SYT17: variants seen among roughly 807,000 people sequenced by gnomAD.
The protein encoded by SYT17 is synaptotagmin 17.
SYT17 carries 22 observed loss-of-function variants against 46.7 expected under a neutral mutation model. The ratio of observed to expected loss-of-function variants is 0.47; its 90% confidence interval spans 0.34 to 0.67. The LOEUF is 0.67. Ranked by LOEUF, SYT17 falls within the 30% of genes least tolerant of loss-of-function variation. The pLI is 0.01. For missense variants in SYT17, 519 were observed against 612.8 expected, an observed-to-expected ratio of 0.85 and a Z score of 1.62; for synonymous variants, 251 against 248.4, an observed-to-expected ratio of 1.01 and a Z score of -0.10.
At chr16:19,214,943 A>C (rs994125526) in intron 5 of SYT17, among the ~76,000 whole-genome samples, 1 of 151,998 alleles carries the variant, frequency 6.6e-6, no homozygotes, top group African/African-American at 2.4e-5. Context: ...CGCCCACCCC[A>C]CACACAGCTA....
intron 7 of SYT17, among the ~76,000 whole-genome samples, chr16:19,260,274 G>A (rs903800393): frequency 7.3e-6 from 1 of 137,852 alleles, no homozygotes; most frequent in Non-Finnish European, 1.5e-5. Flanking sequence ...AAGATCACTT[G>A]AGCTCAGGAG....
intron 7 of SYT17, among the ~76,000 whole-genome samples, chr16:19,225,202 T>C (rs1966459163): frequency 1.3e-5 from 2 of 152,186 alleles, no homozygotes; most frequent in Non-Finnish European, 2.9e-5. Context: ...TGCAATATAC[T>C]TGGTACATAA....
At chr16:19,169,395 G>A (rs1210306518) in intron 1 of SYT17, among the ~76,000 whole-genome samples, 1 of 152,218 alleles carries the variant, frequency 6.6e-6, no homozygotes, top group Non-Finnish European at 1.5e-5. Context: ...GGAAGTGACC[G>A]CAGGTCAGCG....
chr16:19,198,400 G>A (rs1280507934), intron 5 of SYT17, among the ~76,000 whole-genome samples: 1 of 152,138 alleles, frequency 6.6e-6, no homozygotes, highest in Non-Finnish European at 1.5e-5. Context: ...TAATTTTCAG[G>A]TCAGAGCCAG....
intron 7 of SYT17, among the ~76,000 whole-genome samples, chr16:19,229,542 C>T (rs1966608896): frequency 6.6e-6 from 1 of 152,180 alleles, no homozygotes; most frequent in African/African-American, 2.4e-5. Flanking sequence ...TCACCTCCCA[C>T]CAGGCCCCAC....
At chr16:19,169,164 G>A (rs1390033507) in intron 1 of SYT17, among the ~76,000 whole-genome samples, 1 of 152,124 alleles carries the variant, frequency 6.6e-6, no homozygotes, top group Non-Finnish European at 1.5e-5. Context: ...GGGACACCCA[G>A]AGGCCAGAGG....
chr16:19,239,288 A>C (rs1966915666), intron 7 of SYT17, among the ~76,000 whole-genome samples: 2 of 147,986 alleles, frequency 1.4e-5, no homozygotes, highest in African/African-American at 5.2e-5. Flanking sequence ...AAATTAATTA[A>C]TTAATTAATT....
chr16:19,172,418 C>G, intron 1 of SYT17: 1 of 1,431,130 alleles, frequency 7.0e-7, no homozygotes, highest in Middle Eastern at 1.9e-4. Flanking sequence ...GTTTGCTCTT[C>G]TCCTGAAGTG....
At chr16:19,189,333 C>T (rs1255833158) in intron 5 of SYT17, among the ~76,000 whole-genome samples, 1 of 147,860 alleles carries the variant, frequency 6.8e-6, no homozygotes, top group African/African-American at 2.6e-5. Flanking sequence ...AGGACCTCAA[C>T]CTGTCTTTTT....
At chr16:19,176,911 C>G (rs1242835320) in intron 3 of SYT17, among the ~76,000 whole-genome samples, 1 of 152,128 alleles carries the variant, frequency 6.6e-6, no homozygotes, top group Non-Finnish European at 1.5e-5. Flanking sequence ...CTAGGAAGAG[C>G]TGGGGGAGCC....
intron 3 of SYT17, among the ~76,000 whole-genome samples, chr16:19,178,167 C>T (rs1257670416): frequency 6.6e-6 from 1 of 151,930 alleles, no homozygotes; most frequent in Non-Finnish European, 1.5e-5. Flanking sequence ...ACTGCAAGCT[C>T]TGCCTCCCGG....
At chr16:19,250,154 G>A in intron 7 of SYT17, 1 of 1,383,360 alleles carries the variant, frequency 7.2e-7, no homozygotes. Flanking sequence ...TTAACATATT[G>A]AAAGAATTGT....
rs368564435 is a variant in SYT17, at chr16:19,231,341, C to T, written c.1228+6503C>T. Among the ~76,000 whole-genome samples, 16 of 151,982 alleles carry T rather than the reference C, an allele frequency of 1.1e-4. No homozygotes were observed. The East Asian group carries it at 1.7e-3, about 17-fold the overall frequency. Reference sequence around the variant, plus strand: ...ATTCCAACACTGTGGGAGGCCAAGGCGGGTGGATCACCTGAGGTCAGGAGT... The same window carrying T: ...ATTCCAACACTGTGGGAGGCCAAGGTGGGTGGATCACCTGAGGTCAGGAGT... On this transcript the variant is annotated intron_variant, in intron 7 of 7. Transcript: ENST00000355377.
At chr16:19,201,598 T>G (rs1965466817) in intron 5 of SYT17, among the ~76,000 whole-genome samples, 1 of 151,190 alleles carries the variant, frequency 6.6e-6, no homozygotes, top group African/African-American at 2.4e-5. Flanking sequence ...AAGGTGCCAT[T>G]TTCAATAATA....
At chr16:19,193,450 A>G (rs1445725738) in intron 5 of SYT17, among the ~76,000 whole-genome samples, 1 of 152,234 alleles carries the variant, frequency 6.6e-6, no homozygotes, top group African/African-American at 2.4e-5. Flanking sequence ...ACATTGCTTC[A>G]ACCTGAGATT....
intron 5 of SYT17, among the ~76,000 whole-genome samples, chr16:19,221,179 C>A (rs1966302304): frequency 7.4e-6 from 1 of 134,294 alleles, no homozygotes; most frequent in Non-Finnish European, 1.5e-5. Flanking sequence ...AGGGTGAGAC[C>A]TTGTCTCAAA....
intron 5 of SYT17, among the ~76,000 whole-genome samples, chr16:19,199,692 C>T (rs1965386942): frequency 1.3e-5 from 2 of 152,154 alleles, no homozygotes; most frequent in Admixed American, 1.3e-4. Context: ...GTTATGATTG[C>T]ACCACTGTAC....
At chr16:19,188,437 C>T (rs982871846) in intron 5 of SYT17, among the ~76,000 whole-genome samples, 2 of 137,232 alleles carry the variant, frequency 1.5e-5, no homozygotes, top group Admixed American at 1.6e-4. Context: ...TCTGCCATGA[C>T]ACGAGTTTAC....
chr16:19,213,533 A>T (rs1049460044), intron 5 of SYT17, among the ~76,000 whole-genome samples: 1 of 152,212 alleles, frequency 6.6e-6, no homozygotes, highest in Non-Finnish European at 1.5e-5. Flanking sequence ...GTAGAGAACA[A>T]AGAACAAGGA....
Sources: allele counts gnomAD v4.1 joint callset (sites outside exome capture counted in the v4.1 genomes callset), GRCh38; gene constraint gnomAD v4.1.1; transcripts MANE v1.5; gene names NCBI Gene and HGNC (gene_info 2026-07-23, HGNC 2026-07-21).